The following SCHIP1 variants were observed in gnomAD, a reference collection of about 807,000 sequenced individuals.
SCHIP1 encodes the protein schwannomin interacting protein 1.
Under a neutral mutation model 29.7 loss-of-function variants are expected in SCHIP1, and 8 were observed. That is an observed-to-expected ratio of 0.27 (90% CI 0.16 to 0.49). The LOEUF is 0.49. Ranked by LOEUF, SCHIP1 falls within the 20% of genes least tolerant of loss-of-function variation. The probability of loss-of-function intolerance (pLI) is 0.99; values close to 1 mark genes in which losing one functional copy is unlikely to be tolerated. For synonymous variants in SCHIP1, 76 were observed against 94.9 expected, an observed-to-expected ratio of 0.80 and a Z score of 1.16; for missense variants, 193 against 294.6, an observed-to-expected ratio of 0.66 and a Z score of 2.52.
chr3:159,404,551 T>C, the SCHIP1 span, among the ~76,000 whole-genome samples: 248 of 152,194 alleles, frequency 1.6e-3, no homozygotes, highest in Non-Finnish European at 3.2e-3. Flanking sequence ...ACTCCTTTGC[T>C]TGTGAAAATG....
At chr3:159,727,796 G>C in the SCHIP1 span, among the ~76,000 whole-genome samples, 1 of 152,088 alleles carries the variant, frequency 6.6e-6, no homozygotes, top group Non-Finnish European at 1.5e-5. Context: ...CTTCATGATA[G>C]TCAACAAATT....
the SCHIP1 span, among the ~76,000 whole-genome samples, chr3:159,589,581 T>G: frequency 1.3e-5 from 2 of 152,292 alleles, no homozygotes; most frequent in Admixed American, 6.5e-5. Flanking sequence ...CCATTCAGTA[T>G]GATATTGGCT....
At chr3:159,768,846 A>G in the SCHIP1 span, among the ~76,000 whole-genome samples, 1 of 152,178 alleles carries the variant, frequency 6.6e-6, no homozygotes, top group African/African-American at 2.4e-5. Flanking sequence ...GCACAAATAA[A>G]TGCTTGAAAC....
chr3:159,423,506 G>T, the SCHIP1 span, among the ~76,000 whole-genome samples: 4 of 152,238 alleles, frequency 2.6e-5, no homozygotes, highest in African/African-American at 9.6e-5. Flanking sequence ...GGCTGGGGGA[G>T]GGGCGCCTGC....
At chr3:159,407,733 T>C in the SCHIP1 span, among the ~76,000 whole-genome samples, 1 of 152,128 alleles carries the variant, frequency 6.6e-6, no homozygotes, top group African/African-American at 2.4e-5. Context: ...CAAGAAGAAG[T>C]CTGGAAAGTA....
At chr3:159,606,054 C>G in the SCHIP1 span, among the ~76,000 whole-genome samples, 1 of 152,150 alleles carries the variant, frequency 6.6e-6, no homozygotes, top group Non-Finnish European at 1.5e-5. Flanking sequence ...AGTGTTCTTA[C>G]ATGAATCTCC....
At chr3:159,628,895 T>A in the SCHIP1 span, among the ~76,000 whole-genome samples, 1 of 151,856 alleles carries the variant, frequency 6.6e-6, no homozygotes, top group South Asian at 2.1e-4. Context: ...CAACATAAAA[T>A]CATAAAAACA....
At chr3:159,649,784 A>G in the SCHIP1 span, among the ~76,000 whole-genome samples, 3 of 152,166 alleles carry the variant, frequency 2.0e-5, no homozygotes, top group African/African-American at 4.8e-5. Flanking sequence ...AAGTTCATCA[A>G]TGTTATGGTT....
At chr3:159,446,903 C>A in the SCHIP1 span, among the ~76,000 whole-genome samples, 12 of 152,168 alleles carry the variant, frequency 7.9e-5, no homozygotes, top group Admixed American at 1.3e-4. Context: ...CCATGGTTCT[C>A]TATAGATGAG....
the SCHIP1 span, among the ~76,000 whole-genome samples, chr3:159,780,302 A>G: frequency 6.6e-6 from 1 of 152,054 alleles, no homozygotes; most frequent in Non-Finnish European, 1.5e-5. Flanking sequence ...CCTTGTTTCT[A>G]CTTGTTTCCA....
At chr3:159,684,048 C>A in the SCHIP1 span, among the ~76,000 whole-genome samples, 2 of 152,126 alleles carry the variant, frequency 1.3e-5, no homozygotes, top group African/African-American at 4.8e-5. Context: ...TTAGAGATAA[C>A]AAAGGGCCCT....
chr3:159,515,518 G>C, the SCHIP1 span, among the ~76,000 whole-genome samples: 1 of 152,126 alleles, frequency 6.6e-6, no homozygotes, highest in Non-Finnish European at 1.5e-5. Flanking sequence ...TTGTAAAATG[G>C]AAATAATGCA....
At chr3:159,541,393 A>G in the SCHIP1 span, among the ~76,000 whole-genome samples, 3 of 152,100 alleles carry the variant, frequency 2.0e-5, no homozygotes, top group African/African-American at 7.2e-5. Context: ...GTGCAGTTGG[A>G]TCTGGGAAAG....
chr3:159,602,601 C>T, the SCHIP1 span, among the ~76,000 whole-genome samples: 3 of 151,672 alleles, frequency 2.0e-5, no homozygotes, highest in African/African-American at 7.3e-5. Context: ...CCCAGCTACT[C>T]GGGAGGCTGA....
the SCHIP1 span, among the ~76,000 whole-genome samples, chr3:159,417,339 G>T: frequency 6.6e-6 from 1 of 152,106 alleles, no homozygotes; most frequent in African/African-American, 2.4e-5. Context: ...AAAGAGTCAC[G>T]CAATCACTCG....
chr3:159,827,640 CTAAAAATACAAAAAATTA>C, the SCHIP1 span, among the ~76,000 whole-genome samples: 1 of 151,948 alleles, frequency 6.6e-6, no homozygotes, highest in South Asian at 2.1e-4. Flanking sequence ...CCCGTCTCTA[CTAAAAATACAAAAAATTA>C]GCCGGGCACG....
chr3:159,382,478 G>A, the SCHIP1 span, among the ~76,000 whole-genome samples: 3,191 of 151,874 alleles, frequency 0.021, 44 homozygotes, highest in Middle Eastern at 0.037. Flanking sequence ...TGGTGTATAT[G>A]TGCCACATTT....
At chr3:159,603,863 A>T in the SCHIP1 span, among the ~76,000 whole-genome samples, 486 of 152,322 alleles carry the variant, frequency 3.2e-3, 2 homozygotes, top group African/African-American at 0.011. Context: ...GTACCTGCAG[A>T]GTCCTGAGGG....
chr3:159,288,693 G>A, the SCHIP1 span, among the ~76,000 whole-genome samples: 1 of 152,208 alleles, frequency 6.6e-6, no homozygotes, highest in Non-Finnish European at 1.5e-5. Context: ...AGCCGAGATT[G>A]CGCCAGCCTG....
Sources: allele counts gnomAD v4.1 joint callset (sites outside exome capture counted in the v4.1 genomes callset), GRCh38; gene constraint gnomAD v4.1.1; transcripts MANE v1.5; gene names NCBI Gene and HGNC (gene_info 2026-07-23, HGNC 2026-07-21).